The following GPATCH11 variants were observed in gnomAD, a reference collection of about 807,000 sequenced individuals.
The protein encoded by GPATCH11 is G patch domain-containing protein 11.
In GPATCH11, 32 loss-of-function variants were observed where a neutral mutation model predicts 44.8. The ratio of observed to expected loss-of-function variants is 0.71; its 90% CI spans 0.54 to 0.96. The LOEUF is 0.96. Ranked by LOEUF, GPATCH11 falls within the 40% of genes least tolerant of loss-of-function variation. The pLI, the probability that GPATCH11 is intolerant of heterozygous loss-of-function variation, is 0.00. For missense variants in GPATCH11, 324 were observed against 303.1 expected (o/e 1.07, Z -0.51); for synonymous variants, 84 against 94.4 (o/e 0.89, Z 0.64).
At chr2:37,089,270 G>A (rs1312487972) in intron 2 of GPATCH11, among the ~76,000 whole-genome samples, 1 of 152,150 alleles carries the variant, frequency 6.6e-6, no homozygotes, top group Non-Finnish European at 1.5e-5. Flanking sequence ...AAGTGACAGA[G>A]TTATGAGAAA....
chr2:37,085,731 A>G (rs1672989559), intron 1 of GPATCH11, among the ~76,000 whole-genome samples: 1 of 152,204 alleles, frequency 6.6e-6, no homozygotes, highest in South Asian at 2.1e-4. Context: ...TTATCCCCAA[A>G]TGTAGCAGCT....
At chr2:37,095,388 C>T in intron 7 of GPATCH11, 49 bp from the exon 8 acceptor site, 1 of 1,554,276 alleles carries the variant, frequency 6.4e-7, no homozygotes, top group Non-Finnish European at 8.7e-7. Context: ...GCCAGAAAAC[C>T]AAGGTTCTGT....
At position 37,096,491 on chromosome 2, in the gene GPATCH11, G is replaced by A. The variant is rs1205196774; in HGVS notation, c.*228G>A. The A allele has an allele frequency of 2.1e-5, 10 of 487,132 alleles. No individual in the cohort carries two copies. In the East Asian group the frequency reaches 4.0e-4, roughly 19 times the overall value. The allele number at this position is 487,132 out of a possible 1,614,324, so 30.2% of individuals were successfully genotyped here. ...CAGAGATGGACAGTTACAATTTATT[G>A]CTATATTGTGATACGTGAGGGGTTT... On this transcript the variant is annotated 3_prime_UTR_variant, in exon 9 of 9. Transcript: ENST00000674370.
At chr2:37,089,509 G>A (rs1319204373) in intron 2 of GPATCH11, 131 bp from the exon 3 acceptor site, 1 of 686,430 alleles carries the variant, frequency 1.5e-6, no homozygotes, top group Non-Finnish European at 2.4e-6. Context: ...GGAGGTTGCA[G>A]TGAGCCAAGA....
chr2:37,086,948 G>A (rs1046469154), intron 1 of GPATCH11, among the ~76,000 whole-genome samples: 2 of 152,162 alleles, frequency 1.3e-5, no homozygotes, highest in Non-Finnish European at 2.9e-5. Flanking sequence ...TAATGGGGTA[G>A]AATGCTAAGT....
Position 37,084,570 on chromosome 2 carries a change from G to C in GPATCH11, c.-14G>C, listed in dbSNP as rs748772645. 6.5e-5 allele frequency: 80 copies of C among 1,232,202 alleles called. No individual in the cohort carries two copies. The highest frequency in any genetic ancestry group is 7.2e-5 in the Non-Finnish European group (71 of 988,068). 76.3% of individuals were successfully genotyped at this position (1,232,202 alleles called of 1,614,324 possible). Reference sequence around the variant, plus strand: ...AACCGGGGCGAGCAGAGAGCTGTCAGGTAAGAGAGCTGTCAGGTAAGGGTC... The same window carrying C: ...AACCGGGGCGAGCAGAGAGCTGTCACGTAAGAGAGCTGTCAGGTAAGGGTC... On this transcript the variant is annotated splice_region_variant and 5_prime_UTR_variant, in exon 1 of 9. Coordinates refer to ENST00000674370, the MANE Select transcript of GPATCH11 (RefSeq NM_174931.4).
Position 37,098,096 on chromosome 2 carries a change from GCAGATCA to G in GPATCH11, c.*1835_*1841del, listed in dbSNP as rs1187292376. On this transcript the variant is annotated 3_prime_UTR_variant, in exon 9 of 9. Coordinates refer to ENST00000674370, the MANE Select transcript of GPATCH11 (RefSeq NM_174931.4). Reference sequence around the variant, plus strand: ...CCAGCACTTTAGGACGCCAAGGCAGGCAGATCACTTGAAGCCAGGAGTTCAAGACCAA... The same window carrying G: ...CCAGCACTTTAGGACGCCAAGGCAGGCTTGAAGCCAGGAGTTCAAGACCAA... 1.1e-4 allele frequency: 17 copies of G among 152,134 alleles called. No individual in the cohort carries two copies. The highest frequency in any genetic ancestry group is 3.9e-4 in the African/African-American group (16 of 41,530). 9.4% of individuals were successfully genotyped at this position (152,134 alleles called of 1,614,324 possible). A position where few individuals can be genotyped will look rare whatever the true frequency, so the allele number is the denominator to read the frequency against.
Position 37,084,530 on chromosome 2 carries a change from C to G in GPATCH11, c.-54C>G, listed in dbSNP as rs571230302. Reference sequence around the variant, plus strand: ...GGTCGGTGGGCGCATGCGCAGCGCGCGCTCTACGGCGCTGAACCGGGGCGA... The same window carrying G: ...GGTCGGTGGGCGCATGCGCAGCGCGGGCTCTACGGCGCTGAACCGGGGCGA... On this transcript the variant is annotated 5_prime_UTR_variant, in exon 1 of 9. Coordinates refer to ENST00000674370, the MANE Select transcript of GPATCH11 (RefSeq NM_174931.4). 1.1e-5 allele frequency: 13 copies of G among 1,232,352 alleles called. No homozygotes were observed. In the African/African-American group the frequency reaches 1.9e-4, roughly 18 times the overall value. The allele number at this position is 1,232,352 out of a possible 1,614,324, so 76.3% of individuals were successfully genotyped here.
intron 4 of GPATCH11, among the ~76,000 whole-genome samples, chr2:37,091,493 G>A (rs1197254434): frequency 6.6e-6 from 1 of 152,068 alleles, no homozygotes; most frequent in Non-Finnish European, 1.5e-5. Flanking sequence ...CCACAAGTTC[G>A]AGGTTACAGT....
intron 3 of GPATCH11, 54 bp downstream of exon 3, chr2:37,089,920 T>C (rs75560817): frequency 5.6e-6 from 7 of 1,244,904 alleles, no homozygotes; most frequent in African/African-American, 3.0e-5. Flanking sequence ...TTGTGACTTA[T>C]GGATAAGGAC....
In GPATCH11 at chr2:37,089,583, A is replaced by T. The variant is rs28718568; in HGVS notation, c.60-57A>T. 3,072 of 1,283,282 alleles carry T rather than the reference A, an allele frequency of 2.4e-3. 74 individuals are homozygous for T. The African/African-American group carries it at 0.041, about 17-fold the overall frequency. The allele number at this position is 1,283,282 out of a possible 1,614,324, so 79.5% of individuals were successfully genotyped here. On this transcript the variant is annotated intron_variant, in intron 2 of 8. Transcript: ENST00000674370. ...ACTCCGTCTCAAAAAATAAAAAAAAAAAAAAAGAAAAGAAAACTTTATGGA... is the reference window on the plus strand; with the variant it reads ...ACTCCGTCTCAAAAAATAAAAAAAATAAAAAAGAAAAGAAAACTTTATGGA...
At chr2:37,092,302 CCT>C (rs1673368018) in intron 6 of GPATCH11, 47 bp downstream of exon 6, 2 of 647,006 alleles carry the variant, frequency 3.1e-6, no homozygotes, top group African/African-American at 1.9e-5. Flanking sequence ...TTTGGCACCC[CCT>C]GTGATTTCCC....
At chr2:37,091,882 G>A (rs2148642840) in intron 4 of GPATCH11, 34 bp from the exon 5 acceptor site, 1 of 1,595,974 alleles carries the variant, frequency 6.3e-7, no homozygotes, top group South Asian at 1.1e-5. Context: ...CACAAAGTCA[G>A]GATGTTTCTC....
chr2:37,086,976 C>T (rs749303381), intron 1 of GPATCH11, among the ~76,000 whole-genome samples: 8 of 152,022 alleles, frequency 5.3e-5, no homozygotes, highest in Non-Finnish European at 8.8e-5. Context: ...TCAAAGAATC[C>T]GCAGCCTTGG....
Position 37,090,716 on chromosome 2 carries a change from A to C in GPATCH11, c.322A>C (p.Lys108Gln). The C allele has an allele frequency of 6.9e-7, 1 of 1,439,224 alleles. No homozygotes were observed. Among genetic ancestry groups the C allele is most frequent in the East Asian group, 2.5e-5 (1 of 40,040 alleles). 89.2% of individuals were successfully genotyped at this position (1,439,224 alleles called of 1,614,324 possible). ...GIVEPIPLNIKTGKSGIGHEA... is the reference protein window; with the variant it reads ...GIVEPIPLNIQTGKSGIGHEA... ...TGTTGAACCAATTCCTCTCAATATC[A>C]AAACAGGTACGTAATTATTTTGGAG... is the stretch of plus-strand genomic sequence containing the variant. The change falls in exon 4 of 9, where the codon AAA becomes CAA. Residue 108 changes from lysine to glutamine, a missense_variant. Physicochemically the swap from Lys to Gln is moderately conservative, Grantham distance 53. Coordinates refer to ENST00000674370, the MANE Select transcript of GPATCH11 (RefSeq NM_174931.4).
chr2:37,095,484 T>C lies in GPATCH11; in HGVS notation c.702T>C (p.His234=). The C allele has an allele frequency of 1.9e-6, 3 of 1,606,072 alleles. No individual in the cohort carries two copies. The highest frequency in any genetic ancestry group is 2.3e-5 in the East Asian group (1 of 44,358). ...QILTSYLREE[H]LYCIWCGTAY... Reference sequence around the variant, plus strand: ...TGACTAGTTATTTAAGAGAAGAACATCTATATTGTATTTGGTGTGGAACAG... The same window carrying C: ...TGACTAGTTATTTAAGAGAAGAACACCTATATTGTATTTGGTGTGGAACAG... Residue 234 remains histidine (H), a synonymous_variant, in exon 8 of 9, where the codon CAT becomes CAC. Transcript: ENST00000674370.
At chr2:37,095,946 A>T (rs531078451) in intron 8 of GPATCH11, among the ~76,000 whole-genome samples, 2 of 152,292 alleles carry the variant, frequency 1.3e-5, no homozygotes, top group South Asian at 4.1e-4. Context: ...GTAAGGATAG[A>T]AATGGTTTAC....
rs555002453 is a variant in GPATCH11 at position 37,097,212 on chromosome 2, T to G, written c.*949T>G. 6.6e-6 allele frequency: 1 copy of G among 152,322 alleles called. No individual in the cohort carries two copies. The highest frequency in any genetic ancestry group is 2.4e-5 in the African/African-American group (1 of 41,576). 9.4% of individuals were successfully genotyped at this position (152,322 alleles called of 1,614,324 possible). A position where few individuals can be genotyped will look rare whatever the true frequency, so the allele number is the denominator to read the frequency against. The stretch of plus-strand genomic sequence containing the variant: ...GTGATAGTTCAACCTTTGCTTTTAT[T>G]CTTCCAGCCACAGAGAACTCACTGC... On this transcript the variant is annotated 3_prime_UTR_variant, in exon 9 of 9. Transcript: ENST00000674370.
At chr2:37,093,923 G>A (rs904309421) in intron 6 of GPATCH11, among the ~76,000 whole-genome samples, 159 bp from the exon 7 acceptor site, 1 of 152,192 alleles carries the variant, frequency 6.6e-6, no homozygotes, top group Non-Finnish European at 1.5e-5. Flanking sequence ...CCAAAGTGCT[G>A]GGATTGCAGG....
Sources: allele counts gnomAD v4.1 joint callset (sites outside exome capture counted in the v4.1 genomes callset), GRCh38; gene constraint gnomAD v4.1.1; transcripts MANE v1.5; gene names NCBI Gene and HGNC (gene_info 2026-07-23, HGNC 2026-07-21).